GDPD4: variants seen among roughly 807,000 people sequenced by gnomAD.
GDPD4 encodes the protein glycerophosphodiester phosphodiesterase 6.
GDPD4 carries 60 observed loss-of-function variants against 67.8 expected under a neutral mutation model. The ratio of observed to expected loss-of-function variants is 0.88; its 90% CI spans 0.72 to 1.10. The LOEUF is 1.10. Among genes scored for constraint, GDPD4 ranks in the 50% least tolerant of loss-of-function variants. GDPD4 has a pLI of 0.00. For synonymous variants in GDPD4, 212 were observed against 210.9 expected, an observed-to-expected ratio of 1.00 and a Z score of -0.04; for missense variants, 623 against 613.9, an observed-to-expected ratio of 1.01 and a Z score of -0.16.
Position 77,258,407 on chromosome 11 carries a change from G to A in GDPD4, c.843C>T (p.Gly281=). The A allele has an allele frequency of 6.2e-7, 1 of 1,614,120 alleles. No homozygotes were observed. The highest frequency in any genetic ancestry group is 8.5e-7 in the Non-Finnish European group (1 of 1,179,986). ...TTACCTCTGGTTTTACAAACCATTT[G>A]CCTGCATTCAGAGTCGATAGGAAAT... ...NWDFLSTLNA[G]KWFVKPELRP... Residue 281 remains glycine, a synonymous_variant, in exon 11 of 17, where the codon GGC becomes GGT. Coordinates refer to ENST00000315938, the MANE Select transcript of GDPD4 (RefSeq NM_182833.3).
chr11:77,293,195 A>C (rs917984315), intron 1 of GDPD4, among the ~76,000 whole-genome samples: 15 of 152,234 alleles, frequency 9.9e-5, no homozygotes. Flanking sequence ...GTACAAACCA[A>C]TATCCCTTAC....
intron 16 of GDPD4, among the ~76,000 whole-genome samples, chr11:77,223,295 G>T (rs1035152215): frequency 6.6e-6 from 1 of 151,976 alleles, no homozygotes; most frequent in African/African-American, 2.4e-5. Context: ...AGGAGAAGAG[G>T]CAGTCTGGTT....
At chr11:77,265,958 G>C (rs1163084149) in intron 10 of GDPD4, among the ~76,000 whole-genome samples, 1 of 152,034 alleles carries the variant, frequency 6.6e-6, no homozygotes, top group Non-Finnish European at 1.5e-5. Context: ...ACTCCCATGA[G>C]GTCCATCCAA....
At position 77,221,572 on chromosome 11, in the gene GDPD4, T is replaced by TTTGA. The variant is rs1475609549; in HGVS notation, c.1526-4262_1526-4259dup. 5.3e-5 allele frequency among the ~76,000 whole-genome samples: 8 copies of TTTGA among 152,338 alleles called. No individual in the cohort carries two copies. In the South Asian group the frequency reaches 1.4e-3, roughly 28 times the overall value. ...TGAGTTTCTTAATCCTGAGATCTAA[T>TTTGA]TTGATTGCACTGTGGTCTGAGAGAC... On this transcript the variant is annotated intron_variant, in intron 16 of 16. Transcript: ENST00000315938.
At chr11:77,260,156 A>G (rs1305295461) in intron 10 of GDPD4, among the ~76,000 whole-genome samples, 1 of 152,082 alleles carries the variant, frequency 6.6e-6, no homozygotes, top group African/African-American at 2.4e-5. Flanking sequence ...AAAATACAAA[A>G]ATTAGCCAGG....
intron 1 of GDPD4, among the ~76,000 whole-genome samples, chr11:77,292,121 CAAAA>C (rs3051013): frequency 6.7e-6 from 1 of 149,184 alleles, no homozygotes; most frequent in African/African-American, 2.5e-5. Flanking sequence ...TGCAAAATGA[CAAAA>C]AAAAACCCTC....
chr11:77,233,193 A>G, intron 13 of GDPD4, 21 bp from the exon 14 acceptor site: 4 of 1,608,560 alleles, frequency 2.5e-6, no homozygotes, highest in Non-Finnish European at 3.4e-6. Flanking sequence ...AACAGAACCC[A>G]CAGGGGATTT....
At chr11:77,287,117 C>T (rs1960026056) in intron 2 of GDPD4, 101 bp downstream of exon 2, 1 of 152,228 alleles carries the variant, frequency 6.6e-6, no homozygotes, top group Non-Finnish European at 1.5e-5. Context: ...GCCCTAGCAT[C>T]CCCAGTCCTG....
chr11:77,293,496 G>A (rs1166825150), intron 1 of GDPD4, among the ~76,000 whole-genome samples: 1 of 151,922 alleles, frequency 6.6e-6, no homozygotes, highest in Non-Finnish European at 1.5e-5. Context: ...TTGGGAGGCT[G>A]AGGCAGGAGG....
intron 11 of GDPD4, among the ~76,000 whole-genome samples, chr11:77,248,195 A>G (rs966033321): frequency 5.3e-5 from 8 of 149,998 alleles, no homozygotes; most frequent in Non-Finnish European, 8.9e-5. Context: ...CAACAATACA[A>G]TTTTCTTTTC....
chr11:77,278,194 G>C (rs1201812541), intron 4 of GDPD4, among the ~76,000 whole-genome samples: 1 of 152,094 alleles, frequency 6.6e-6, no homozygotes, highest in Non-Finnish European at 1.5e-5. Context: ...CTGACCTTAT[G>C]ATCCACCCGC....
intron 1 of GDPD4, among the ~76,000 whole-genome samples, chr11:77,292,253 A>G (rs1236794182): frequency 6.6e-6 from 1 of 152,148 alleles, no homozygotes; most frequent in Non-Finnish European, 1.5e-5. Context: ...AGTAGACTTA[A>G]AAAACACTAG....
intron 1 of GDPD4, among the ~76,000 whole-genome samples, chr11:77,296,883 G>T (rs1008558128): frequency 6.7e-6 from 1 of 149,998 alleles, no homozygotes; most frequent in East Asian, 2.1e-4. Flanking sequence ...GTGAAACTCC[G>T]TCTCTACTAA....
At chr11:77,279,202 A>G (rs1041169982) in intron 4 of GDPD4, 104 bp downstream of exon 4, 1 of 666,242 alleles carries the variant, frequency 1.5e-6, no homozygotes, top group Non-Finnish European at 2.7e-6. Flanking sequence ...GAGTGATCTT[A>G]GGTTCTGAGA....
chr11:77,227,183 C>T (rs1422269764), intron 16 of GDPD4, among the ~76,000 whole-genome samples: 1 of 152,210 alleles, frequency 6.6e-6, no homozygotes, highest in Non-Finnish European at 1.5e-5. Flanking sequence ...ATCCCTTCCC[C>T]TTACTAAGCC....
At chr11:77,270,121 C>A (rs568821385) in intron 7 of GDPD4, among the ~76,000 whole-genome samples, 161 bp from the exon 8 acceptor site, 1 of 152,284 alleles carries the variant, frequency 6.6e-6, no homozygotes, top group South Asian at 2.1e-4. Flanking sequence ...CTGCATACCC[C>A]CACAGGTCAG....
intron 13 of GDPD4, among the ~76,000 whole-genome samples, chr11:77,238,802 C>CA (rs963080328): frequency 6.6e-6 from 1 of 151,718 alleles, no homozygotes; most frequent in Non-Finnish European, 1.5e-5. Context: ...CAAACTCTTT[C>CA]AAAAAAAATA....
chr11:77,271,406 A>G lies in GDPD4; in HGVS notation c.208-13T>C, dbSNP rs1200731517. ...GCAGAATCAGGATCTAGGGAAACAG[A>G]AAAAAAATCTCCTGACTTCAAGCAC... On this transcript the variant is annotated splice_polypyrimidine_tract_variant and intron_variant, in intron 5 of 16. Coordinates refer to ENST00000315938, the MANE Select transcript of GDPD4 (RefSeq NM_182833.3). 1 of 1,541,620 alleles carries G rather than the reference A, an allele frequency of 6.5e-7. No individual in the cohort carries two copies. The highest frequency in any genetic ancestry group is 9.0e-7 in the Non-Finnish European group (1 of 1,115,140).
At chr11:77,243,049 T>C (rs1958703660) in intron 13 of GDPD4, among the ~76,000 whole-genome samples, 1 of 152,146 alleles carries the variant, frequency 6.6e-6, no homozygotes, top group Non-Finnish European at 1.5e-5. Context: ...TAGAATCATA[T>C]AAAAAATTAA....
Sources: gnomAD v4.1 joint callset for allele counts (sites outside exome capture counted in the v4.1 genomes callset) on GRCh38, gnomAD v4.1.1 for gene constraint, MANE v1.5 for transcripts, NCBI Gene and HGNC (gene_info 2026-07-23, HGNC 2026-07-21) for gene names.